Variants in DIS3L2 observed in about 807,000 individuals in gnomAD.
DIS3L2 encodes DIS3-like exonuclease 2.
A neutral mutation model predicts 97.5 loss-of-function variants in DIS3L2; 34 were observed. The ratio of observed to expected loss-of-function variants is 0.35; its 90% CI spans 0.27 to 0.46. DIS3L2 has a LOEUF of 0.46. DIS3L2 is among the 20% of genes least tolerant of loss of function. DIS3L2 has a pLI of 1.00. For missense variants in DIS3L2, 1,038 were observed against 1,146.0 expected (o/e 0.91, Z 1.36); for synonymous variants, 435 against 445.2 (o/e 0.98, Z 0.29).
At chr2:232,088,277 T>A in intron 6 of DIS3L2, among the ~76,000 whole-genome samples, 1 of 148,860 alleles carries the variant, frequency 6.7e-6, no homozygotes, top group East Asian at 2.0e-4. Context: ...CCGGGCGCGG[T>A]GGCTCACGCC....
chr2:232,141,278 G>A (rs1301711599), intron 8 of DIS3L2, among the ~76,000 whole-genome samples: 1 of 152,070 alleles, frequency 6.6e-6, no homozygotes, highest in African/African-American at 2.4e-5. Flanking sequence ...TCCCAGATTT[G>A]TCATGGTTTC....
chr2:232,234,532 G>T (rs995750702), intron 10 of DIS3L2, among the ~76,000 whole-genome samples: 7 of 152,158 alleles, frequency 4.6e-5, no homozygotes, highest in Non-Finnish European at 8.8e-5. Flanking sequence ...GTATTTTTTA[G>T]TAGAGATGGG....
intron 6 of DIS3L2, among the ~76,000 whole-genome samples, chr2:232,093,611 C>A (rs1191061663): frequency 6.6e-6 from 1 of 152,098 alleles, no homozygotes; most frequent in African/African-American, 2.4e-5. Flanking sequence ...ATGGTTCAAT[C>A]TTGGTAGGTT....
intron 9 of DIS3L2, among the ~76,000 whole-genome samples, chr2:232,169,682 C>T (rs1014855824): frequency 6.6e-6 from 1 of 152,154 alleles, no homozygotes; most frequent in African/African-American, 2.4e-5. Context: ...GTCACTTAAT[C>T]CCCTGTCCTG....
At position 232,336,892 on chromosome 2, in the gene DIS3L2, C is replaced by A; in HGVS notation, c.*262C>A. Reference sequence around the variant, plus strand: ...CCTGGGAGGCTGGCCCCCCTTTTTTCTGGGCCCTACTGCCCTCCTCTGCCC... The same window carrying A: ...CCTGGGAGGCTGGCCCCCCTTTTTTATGGGCCCTACTGCCCTCCTCTGCCC... On this transcript the variant is annotated 3_prime_UTR_variant, in exon 21 of 21. Transcript: ENST00000325385. 1.5e-6 allele frequency: 2 copies of A among 1,303,628 alleles called. No homozygotes were observed. The highest frequency in any genetic ancestry group is 1.7e-5 in the South Asian group (1 of 60,598). 80.8% of individuals were successfully genotyped at this position (1,303,628 alleles called of 1,614,324 possible). A position where few individuals can be genotyped will look rare whatever the true frequency, so the allele number is the denominator to read the frequency against.
At chr2:232,239,735 A>G (rs938514129) in intron 11 of DIS3L2, among the ~76,000 whole-genome samples, 1 of 152,226 alleles carries the variant, frequency 6.6e-6, no homozygotes. Context: ...CTCCACTTCT[A>G]GCAAAGTGCC....
chr2:232,220,154 AATAAAT>A (rs1400416701), intron 10 of DIS3L2, among the ~76,000 whole-genome samples: 4 of 141,494 alleles, frequency 2.8e-5, no homozygotes, highest in African/African-American at 7.5e-5. Flanking sequence ...TAAATAAATA[AATAAAT>A]AAGCTGGGCA....
At chr2:232,081,813 G>A (rs555345453) in intron 5 of DIS3L2, among the ~76,000 whole-genome samples, 55 of 152,152 alleles carry the variant, frequency 3.6e-4, no homozygotes, top group African/African-American at 1.3e-3. Context: ...GTTTTGAGAC[G>A]GAGTCTTGCT....
chr2:232,197,300 T>C (rs992627430), intron 9 of DIS3L2, among the ~76,000 whole-genome samples: 2 of 152,242 alleles, frequency 1.3e-5, no homozygotes, highest in African/African-American at 4.8e-5. Context: ...CTGTTTTATT[T>C]TTACATATTA....
chr2:232,129,363 G>T (rs1432027946), intron 6 of DIS3L2, among the ~76,000 whole-genome samples: 2 of 151,880 alleles, frequency 1.3e-5, no homozygotes, highest in Non-Finnish European at 2.9e-5. Flanking sequence ...AACTTGTGTG[G>T]TTTTTTTTCT....
At chr2:232,126,486 GAC>G (rs1698067460) in intron 6 of DIS3L2, among the ~76,000 whole-genome samples, 1 of 152,170 alleles carries the variant, frequency 6.6e-6, no homozygotes, top group Non-Finnish European at 1.5e-5. Flanking sequence ...TGGCCTCCAG[GAC>G]CAGGATGAGC....
chr2:232,099,128 C>T (rs1010509712), intron 6 of DIS3L2, among the ~76,000 whole-genome samples: 2 of 151,988 alleles, frequency 1.3e-5, no homozygotes, highest in Non-Finnish European at 2.9e-5. Flanking sequence ...TCCTTTTATT[C>T]GTCATATAAA....
intron 5 of DIS3L2, among the ~76,000 whole-genome samples, chr2:232,069,087 G>T (rs1695938671): frequency 6.6e-6 from 1 of 152,118 alleles, no homozygotes; most frequent in Non-Finnish European, 1.5e-5. Flanking sequence ...AAAGTGCTGG[G>T]ATTACATGCG....
Position 232,099,109 on chromosome 2 carries a change from G to A in DIS3L2, c.601+11388G>A, listed in dbSNP as rs936129326. 1.3e-5 allele frequency among the ~76,000 whole-genome samples: 2 copies of A among 152,084 alleles called. 1 individual carries two copies. Among genetic ancestry groups the A allele is most frequent in the Non-Finnish European group, 2.9e-5 (2 of 67,998 alleles). On this transcript the variant is annotated intron_variant, in intron 6 of 20. Coordinates refer to ENST00000325385, the MANE Select transcript of DIS3L2 (RefSeq NM_152383.5). ...TCTCTCTTCTAAGTCTATTTCTGAT[G>A]TTGAACCATCCTTTTATTCGTCATA...
chr2:232,240,942 G>A (rs928069481), intron 11 of DIS3L2, among the ~76,000 whole-genome samples: 1 of 152,190 alleles, frequency 6.6e-6, no homozygotes, highest in African/African-American at 2.4e-5. Context: ...CTTTGGTTTT[G>A]TGTTTGTCAC....
chr2:232,055,346 A>G (rs1001754736), intron 5 of DIS3L2, among the ~76,000 whole-genome samples: 1 of 152,242 alleles, frequency 6.6e-6, no homozygotes, highest in Admixed American at 6.5e-5. Context: ...GCTGCTACAT[A>G]CAAAGTCAGC....
At chr2:232,240,548 C>T (rs1491002178) in intron 11 of DIS3L2, among the ~76,000 whole-genome samples, 1 of 152,218 alleles carries the variant, frequency 6.6e-6, no homozygotes. Flanking sequence ...TTAGCTGTGT[C>T]CTCATCTGAG....
intron 5 of DIS3L2, among the ~76,000 whole-genome samples, chr2:232,039,444 T>C (rs568025382): frequency 2.0e-5 from 3 of 152,252 alleles, no homozygotes; most frequent in South Asian, 4.2e-4. Flanking sequence ...TCGTGCTCAC[T>C]CCTCTTGGGT....
At chr2:232,057,312 A>C (rs1695571770) in intron 5 of DIS3L2, among the ~76,000 whole-genome samples, 1 of 152,152 alleles carries the variant, frequency 6.6e-6, no homozygotes, top group African/African-American at 2.4e-5. Context: ...TACACACACC[A>C]TGTTTAATTC....
Sources: allele counts gnomAD v4.1 joint callset (sites outside exome capture counted in the v4.1 genomes callset), GRCh38; gene constraint gnomAD v4.1.1; transcripts MANE v1.5; gene names NCBI Gene and HGNC (gene_info 2026-07-23, HGNC 2026-07-21).